Variants in LAMB1 observed in about 807,000 individuals in gnomAD.
The protein encoded by LAMB1 is laminin subunit beta-1.
A neutral mutation model predicts 222.3 loss-of-function variants in LAMB1; 121 were observed. The ratio of observed to expected loss-of-function variants is 0.54; its 90% CI spans 0.47 to 0.63. The LOEUF (loss-of-function observed/expected upper bound fraction) is 0.63. Among genes scored for constraint, LAMB1 ranks in the 30% least tolerant of loss-of-function variants. LAMB1 has a pLI of 0.00. For missense variants in LAMB1, 2,172 were observed against 2,240.8 expected, an observed-to-expected ratio of 0.97 and a Z score of 0.62; for synonymous variants, 794 against 807.2, an observed-to-expected ratio of 0.98 and a Z score of 0.28.
rs1320347358 is a variant in LAMB1, at chr7:107,940,052, A to G, written c.3698T>C (p.Ile1233Thr). 6.2e-7 allele frequency: 1 copy of G among 1,613,890 alleles called. No individual in the cohort carries two copies. The highest frequency in any genetic ancestry group is 8.5e-7 in the Non-Finnish European group (1 of 1,179,998). ...VERKVSEIKD[I>T]LAQSPAAEPL... ...CTCTGCTGCGGGGCTCTGCGCCAGG[A>G]TGTCTTTTATCTCGCTGACTTTCCT... Residue 1233 changes from isoleucine to threonine, a missense_variant, in exon 25 of 34, where the codon ATC becomes ACC. Ile to Thr is a moderately conservative substitution (Grantham distance 89, BLOSUM62 -1). Transcript: ENST00000222399.
rs553363751 is a variant in LAMB1 at position 107,948,781 on chromosome 7, C to G, written c.3391+2445G>C. The stretch of plus-strand genomic sequence containing the variant: ...AGGACCTACACTCTTGGCTATGGGA[C>G]CTCTTCATCTGTCTGCATCCCTGCT... On this transcript the variant is annotated intron_variant, in intron 24 of 33. Transcript: ENST00000222399. Among the ~76,000 whole-genome samples, 145 of 152,212 alleles carry G rather than the reference C, an allele frequency of 9.5e-4. 1 individual carries two copies. The highest frequency in any genetic ancestry group is 3.4e-3 in the African/African-American group (140 of 41,534).
At chr7:107,936,507 G>A (rs2032850798) in intron 26 of LAMB1, 1 of 152,274 alleles carries the variant, frequency 6.6e-6, no homozygotes, top group African/African-American at 2.4e-5. Context: ...AGTGGGTCCT[G>A]GAACCAATCC....
intron 8 of LAMB1, 55 bp from the exon 9 acceptor site, chr7:107,978,222 G>T: frequency 6.3e-7 from 1 of 1,578,872 alleles, no homozygotes; most frequent in Non-Finnish European, 8.7e-7. Context: ...GAATAGCCAC[G>T]TTTCTCCATA....
intron 7 of LAMB1, among the ~76,000 whole-genome samples, chr7:107,981,169 G>A (rs76001070): frequency 0.084 from 12,754 of 152,128 alleles, 599 homozygotes; most frequent in Admixed American, 0.15. Flanking sequence ...AAATTAGACC[G>A]GGCGCGGTGG....
intron 13 of LAMB1, among the ~76,000 whole-genome samples, chr7:107,970,013 T>C (rs1028669967): frequency 7.2e-5 from 11 of 152,222 alleles, no homozygotes; most frequent in Admixed American, 2.0e-4. Context: ...TAGTCCCTCA[T>C]TTATTGAGTA....
intron 3 of LAMB1, among the ~76,000 whole-genome samples, chr7:108,000,772 G>A (rs1324966091): frequency 7.2e-5 from 11 of 152,140 alleles, no homozygotes; most frequent in Non-Finnish European, 1.6e-4. Flanking sequence ...GAACACTTGG[G>A]CTCCAGTGAT....
Position 107,952,155 on chromosome 7 carries a change from C to G in LAMB1, c.3148G>C (p.Ala1050Pro). The change falls in exon 23 of 34, where the codon GCC (alanine) becomes CCC (proline). Residue 1050 changes from alanine (A) to proline (P), a missense_variant. Coordinates refer to ENST00000222399, the MANE Select transcript of LAMB1 (RefSeq NM_002291.3). ...CNGSDCQCDK[A>P]TGQCLCLPNV... ...GGAAGACACAAGCACTGACCAGTGG[C>G]TTTGTCGCACTGGCAGTCAGAGCCG... The G allele has an allele frequency of 6.2e-7, 1 of 1,613,688 alleles. No individual in the cohort carries two copies. The highest frequency in any genetic ancestry group is 1.1e-5 in the South Asian group (1 of 90,992).
rs192358205 is a variant in LAMB1 at position 107,978,253 on chromosome 7, C to G, written c.880-86G>C. On this transcript the variant is annotated intron_variant, in intron 8 of 33. Transcript: ENST00000222399. ...CCATAATCAATTGAAAGTTTAAAAC[C>G]CTTTTTCATACTAATCTCTAGCTCA... 40 of 1,445,064 alleles carry G rather than the reference C, an allele frequency of 2.8e-5. No individual in the cohort carries two copies. The East Asian group carries it at 5.5e-4, about 20-fold the overall frequency. The allele number at this position is 1,445,064 out of a possible 1,614,324, so 89.5% of individuals were successfully genotyped here.
intron 24 of LAMB1, among the ~76,000 whole-genome samples, chr7:107,941,822 CTTTTTTTTTTTTTTTT>C (rs774447066): frequency 2.8e-4 from 9 of 31,884 alleles, no homozygotes; most frequent in African/African-American, 8.6e-4. Flanking sequence ...CCACACCCGG[CTTTTTTTTTTTTTTTT>C]TTTTTTTTTT....
chr7:107,924,792 T>A (rs562314054), intron 32 of LAMB1, among the ~76,000 whole-genome samples: 16 of 152,092 alleles, frequency 1.1e-4, no homozygotes, highest in Non-Finnish European at 2.1e-4. Flanking sequence ...GAAGACTTGC[T>A]TATAAGGAAA....
At chr7:107,926,463 C>G (rs1204740912) in intron 31 of LAMB1, 104 bp from the exon 32 acceptor site, 5 of 891,808 alleles carry the variant, frequency 5.6e-6, no homozygotes, top group South Asian at 3.5e-5. Context: ...CCATTTTGCT[C>G]TAGACCAAAA....
intron 22 of LAMB1, among the ~76,000 whole-genome samples, chr7:107,952,997 A>G (rs141616197): frequency 6.6e-6 from 1 of 152,128 alleles, no homozygotes; most frequent in Non-Finnish European, 1.5e-5. Context: ...CTTTCCTGTT[A>G]TCTCTCCCAG....
chr7:107,990,960 C>T (rs539648883), intron 5 of LAMB1, among the ~76,000 whole-genome samples: 57 of 152,332 alleles, frequency 3.7e-4, no homozygotes, highest in African/African-American at 1.2e-3. Context: ...TCAACAGAGC[C>T]TCCCAACATG....
At chr7:107,978,496 GAA>G (rs1271371793) in intron 8 of LAMB1, among the ~76,000 whole-genome samples, 1 of 145,130 alleles carries the variant, frequency 6.9e-6, no homozygotes. Flanking sequence ...ATTTTTTTAA[GAA>G]AACCTATTGT....
rs2033827057 is a variant in LAMB1, at chr7:107,975,220, GCAAA to G, written c.1369+10_1369+13del. On this transcript the variant is annotated intron_variant, in intron 11 of 33. Transcript: ENST00000222399. Reference sequence around the variant, plus strand: ...CACAAGAAAACTCCCAAACTTTTTAGCAAACAGACCTACATTTACAACCAAATGG... The same window carrying G: ...CACAAGAAAACTCCCAAACTTTTTAGCAGACCTACATTTACAACCAAATGG... The G allele has an allele frequency of 6.2e-7, 1 of 1,600,580 alleles. No individual in the cohort carries two copies. The highest frequency in any genetic ancestry group is 8.5e-7 in the Non-Finnish European group (1 of 1,170,484).
rs35519789 is a variant in LAMB1, at chr7:107,954,331, A to ATT, written c.2855-579_2855-578dup. Among the ~76,000 whole-genome samples the ATT allele has an allele frequency of 8.1e-3, 1,078 of 133,620 alleles. 15 individuals carry two copies. Among genetic ancestry groups the ATT allele is most frequent in the African/African-American group, 0.027 (1,005 of 36,760 alleles). 87.7% of individuals were successfully genotyped at this position (133,620 alleles called of 152,430 possible). On this transcript the variant is annotated intron_variant, in intron 21 of 33. Coordinates refer to ENST00000222399, the MANE Select transcript of LAMB1 (RefSeq NM_002291.3). ...CACTACACCTGACTAATTTTGTAAA[A>ATT]TTTTTTTTTTTTTTTTTTTGGAGAG...
intron 13 of LAMB1, among the ~76,000 whole-genome samples, chr7:107,965,858 T>C (rs1485647191): frequency 1.3e-5 from 2 of 152,020 alleles, no homozygotes; most frequent in Admixed American, 6.5e-5. Context: ...TCCCACACTT[T>C]GGGAGGCCAA....
chr7:107,928,716 C>G (rs897196177), intron 31 of LAMB1, among the ~76,000 whole-genome samples: 11 of 152,192 alleles, frequency 7.2e-5, no homozygotes, highest in African/African-American at 2.4e-4. Context: ...TGGTCTTGAA[C>G]TACTGACCTC....
chr7:107,963,492 G>A lies in LAMB1; in HGVS notation c.1699-429C>T, dbSNP rs116063965. On this transcript the variant is annotated intron_variant, in intron 14 of 33. Coordinates refer to ENST00000222399, the MANE Select transcript of LAMB1 (RefSeq NM_002291.3). ...TTAGTTTCAGGCTCCATTTTCAAGT[G>A]AAGAAACTTGATATAATGAATGTTC... Among the ~76,000 whole-genome samples the A allele has an allele frequency of 6.4e-4, 98 of 152,322 alleles. 1 individual carries two copies. Among genetic ancestry groups the A allele is most frequent in the African/African-American group, 2.3e-3 (95 of 41,564 alleles).
Sources: allele counts gnomAD v4.1 joint callset (sites outside exome capture counted in the v4.1 genomes callset), GRCh38; gene constraint gnomAD v4.1.1; transcripts MANE v1.5; gene names NCBI Gene and HGNC (gene_info 2026-07-23, HGNC 2026-07-21).